The following FBXL22 variants were observed in gnomAD, a reference collection of about 807,000 sequenced individuals.
FBXL22 encodes the protein F-box and leucine rich repeat protein 22, also known as F-box and leucine-rich protein 22.
FBXL22 carries 13 observed loss-of-function variants against 11.7 expected under a neutral mutation model. The ratio of observed to expected loss-of-function variants is 1.11; its 90% confidence interval spans 0.73 to 1.77. The LOEUF is 1.77. FBXL22 is among the 40% of genes most tolerant of loss of function. The pLI is 0.00. For synonymous variants in FBXL22, 160 were observed against 144.1 expected (o/e 1.11, Z -0.79); for missense variants, 406 against 320.4 (o/e 1.27, Z -2.04).
In FBXL22 at chr15:63,598,486, A is replaced by G. The variant is rs115454957; in HGVS notation, c.353+741A>G. On this transcript the variant is annotated intron_variant, in intron 1 of 1. Transcript: ENST00000638704. ...ACACAGACATAGACACTGAACCACC[A>G]GGCCAGGCTCCCTCCATGGTCCCAG... Among the ~76,000 whole-genome samples, 1,065 of 151,584 alleles carry G rather than the reference A, an allele frequency of 7.0e-3. 14 individuals are homozygous for G. The highest frequency in any genetic ancestry group is 0.025 in the African/African-American group (1,024 of 41,532).
downstream of FBXL22, chr15:63,601,753 C>CA (rs1478814434): frequency 6.6e-7 from 1 of 1,514,558 alleles, no homozygotes; most frequent in African/African-American, 1.4e-5. Context: ...CATAGTTACC[C>CA]ATATTTTCTA....
Position 63,601,172 on chromosome 15 carries a change from A to G in FBXL22, c.*133A>G. 6.9e-7 allele frequency: 1 copy of G among 1,447,836 alleles called. No homozygotes were observed. The highest frequency in any genetic ancestry group is 9.0e-7 in the Non-Finnish European group (1 of 1,108,016). The allele number at this position is 1,447,836 out of a possible 1,614,324, so 89.7% of individuals were successfully genotyped here. On this transcript the variant is annotated 3_prime_UTR_variant, in exon 2 of 2. Coordinates refer to ENST00000638704, the MANE Select transcript of FBXL22 (RefSeq NM_001367807.1). ...TTTCCCCGTCTGCACAGTGGGGATAAGAAAGCCTACCTCACGTTACGATTT... is the reference window on the plus strand; with the variant it reads ...TTTCCCCGTCTGCACAGTGGGGATAGGAAAGCCTACCTCACGTTACGATTT...
At position 63,600,809 on chromosome 15, in the gene FBXL22, TGC is replaced by T. The variant is rs2067357468; in HGVS notation, c.474_475del (p.Val159HisfsTer129). ...PRLRALRLEN[C>X]ARVTNRTLAA... ...CCTGCGCGCACTGCGCCTGGAGAAC[TGC>T]GCGCGCGTCACCAACCGCACGTTGG... On this transcript the variant is annotated frameshift_variant, in exon 2 of 2. Coordinates refer to ENST00000638704, the MANE Select transcript of FBXL22 (RefSeq NM_001367807.1). LOFTEE classifies it high-confidence loss of function. 1.6e-6 allele frequency: 2 copies of T among 1,230,762 alleles called. No individual in the cohort carries two copies. Among genetic ancestry groups the T allele is most frequent in the African/African-American group, 3.1e-5 (2 of 64,352 alleles). 76.2% of individuals were successfully genotyped at this position (1,230,762 alleles called of 1,614,324 possible). A position where few individuals can be genotyped will look rare whatever the true frequency, so the allele number is the denominator to read the frequency against.
At chr15:63,602,528 A>T (rs1359179736), downstream of FBXL22, 1 of 145,924 alleles carries the variant, frequency 6.9e-6, no homozygotes, top group Admixed American at 7.1e-5. Flanking sequence ...CGGAGCTTGC[A>T]GTGAGCCAAG....
chr15:63,599,268 G>A (rs2067325108), intron 1 of FBXL22: 2 of 1,521,992 alleles, frequency 1.3e-6, no homozygotes, highest in East Asian at 4.9e-5. Flanking sequence ...GCTGAGGATG[G>A]CTGGGCAGGG....
At chr15:63,599,314 A>G in intron 1 of FBXL22, 1 of 1,467,092 alleles carries the variant, frequency 6.8e-7, no homozygotes, top group Non-Finnish European at 9.0e-7. Flanking sequence ...CTGTATCAGA[A>G]TTATTCCAAA....
At chr15:63,598,631 G>A (rs2067313254) in intron 1 of FBXL22, among the ~76,000 whole-genome samples, 1 of 152,178 alleles carries the variant, frequency 6.6e-6, no homozygotes, top group Non-Finnish European at 1.5e-5. Flanking sequence ...ATAACAAACT[G>A]GCCCTGGCTG....
chr15:63,601,185 C>G lies in FBXL22; in HGVS notation c.*146C>G, dbSNP rs1245620361. ...ACAGTGGGGATAAGAAAGCCTACCT[C>G]ACGTTACGATTTTATACATAGGATA... is the stretch of plus-strand genomic sequence containing the variant. On this transcript the variant is annotated 3_prime_UTR_variant, in exon 2 of 2. Coordinates refer to ENST00000638704, the MANE Select transcript of FBXL22 (RefSeq NM_001367807.1). 9 of 1,462,674 alleles carry G rather than the reference C, an allele frequency of 6.2e-6. No homozygotes were observed. The African/African-American group carries it at 8.8e-5, about 14-fold the overall frequency. 90.6% of individuals were successfully genotyped at this position (1,462,674 alleles called of 1,614,324 possible).
chr15:63,601,501 C>T (rs781104642), downstream of FBXL22: 33 of 1,548,794 alleles, frequency 2.1e-5, no homozygotes, highest in Admixed American at 2.5e-4. Flanking sequence ...CGAGACCCCG[C>T]CGGCTCCCGG....
chr15:63,601,303 G>A, downstream of FBXL22: 1 of 1,587,984 alleles, frequency 6.3e-7, no homozygotes, highest in Non-Finnish European at 8.5e-7. Context: ...CAGGCTTTCT[G>A]CTGTGCGCTC....
chr15:63,598,645 A>G (rs1014738214), intron 1 of FBXL22, among the ~76,000 whole-genome samples: 5 of 152,204 alleles, frequency 3.3e-5, no homozygotes, highest in African/African-American at 9.6e-5. Flanking sequence ...CTGGCTGTTC[A>G]TGGAAAACTA....
the FBXL22 span, among the ~76,000 whole-genome samples, chr15:63,607,911 C>T: frequency 6.6e-6 from 1 of 152,220 alleles, no homozygotes; most frequent in African/African-American, 2.4e-5. Flanking sequence ...CAGGCTCACC[C>T]TGATGCTGCT....
rs780958764 is a variant in FBXL22 at position 63,597,701 on chromosome 15, G to A, written c.309G>A (p.Arg103=). 1.9e-6 allele frequency: 3 copies of A among 1,598,318 alleles called. No individual in the cohort carries two copies. The highest frequency in any genetic ancestry group is 1.7e-5 in the Admixed American group (1 of 59,796). ...CCTTCCAGAGAAGCATCTGCAGCCG[G>A]CACGAGAGCCTGGTCAATGATTTCC... is the stretch of plus-strand genomic sequence containing the variant. ...KSAFQRSICS[R]HESLVNDFLL... is the part of the protein sequence containing the mutation. The change falls in exon 1 of 2, where the codon CGG becomes CGA. Residue 103 remains arginine (R), a synonymous_variant. Transcript: ENST00000638704. This position sits in a 1 kb window ranked among gnomAD's most constrained non-coding sequence, Gnocchi z 4.3.
At chr15:63,601,454 G>A, downstream of FBXL22, 1 of 1,569,506 alleles carries the variant, frequency 6.4e-7, no homozygotes, top group African/African-American at 1.4e-5. Context: ...GCTGCCGCGC[G>A]CAGGGGTCTG....
chr15:63,601,638 G>T (rs115085418), downstream of FBXL22: 2,013 of 1,605,870 alleles, frequency 1.3e-3, 26 homozygotes, highest in African/African-American at 0.024. Flanking sequence ...TTGCCCGCAC[G>T]CGCGTCTGCC....
At chr15:63,602,942 C>G (rs970129003), downstream of FBXL22, among the ~76,000 whole-genome samples, 2 of 152,180 alleles carry the variant, frequency 1.3e-5, no homozygotes, top group Non-Finnish European at 2.9e-5. Flanking sequence ...ACTTTTTTCC[C>G]ATTCTCTTGA....
intron 1 of FBXL22, chr15:63,600,135 AG>A (rs2067343559): frequency 1.0e-6 from 1 of 985,742 alleles, no homozygotes; most frequent in African/African-American, 1.7e-5. Context: ...CAGGGGATGC[AG>A]GAACAGCTCT....
chr15:63,600,513 G>T, intron 1 of FBXL22, 184 bp from the exon 2 acceptor site: 2 of 1,228,226 alleles, frequency 1.6e-6, no homozygotes, highest in South Asian at 4.3e-5. Context: ...TGCAGGGGCA[G>T]AAAGAGGAGG....
chr15:63,600,468 A>G, intron 1 of FBXL22: 1 of 1,219,818 alleles, frequency 8.2e-7, no homozygotes, highest in Non-Finnish European at 1.0e-6. Flanking sequence ...CAAGGCTACG[A>G]GCCAAGAACC....
Sources: allele counts gnomAD v4.1 joint callset (sites outside exome capture counted in the v4.1 genomes callset), GRCh38; gene constraint gnomAD v4.1.1; non-coding constraint Gnocchi (gnomAD v3.1); transcripts MANE v1.5; gene names NCBI Gene and HGNC (gene_info 2026-07-23, HGNC 2026-07-21).